EXOC3: variants seen among roughly 807,000 people sequenced by gnomAD.
EXOC3 encodes exocyst complex component 3, also known as SEC6-like 1.
A neutral mutation model predicts 73.7 loss-of-function variants in EXOC3; 21 were observed. That is an observed-to-expected ratio of 0.29 (90% CI 0.20 to 0.41). EXOC3 has a LOEUF of 0.41. EXOC3 is among the 10% of genes least tolerant of loss of function. The probability of loss-of-function intolerance (pLI) is 1.00; values close to 1 mark genes in which losing one functional copy is unlikely to be tolerated. For missense variants in EXOC3, 842 were observed against 985.1 expected, an observed-to-expected ratio of 0.85 and a Z score of 1.95; for synonymous variants, 410 against 389.1, an observed-to-expected ratio of 1.05 and a Z score of -0.63.
At chr5:459,601 A>G (rs1181029114) in intron 7 of EXOC3, 142 bp downstream of exon 7, 3 of 524,780 alleles carry the variant, frequency 5.7e-6, no homozygotes, top group South Asian at 2.7e-5. Context: ...GTGTTCTTCA[A>G]AAGCAAAGGG....
At chr5:465,385 G>A (rs1738113375) in intron 11 of EXOC3, 113 bp downstream of exon 11, 3 of 1,220,432 alleles carry the variant, frequency 2.5e-6, no homozygotes, top group South Asian at 2.7e-5. Flanking sequence ...TTTGTCAGGC[G>A]GGGGGAGCCT....
intron 9 of EXOC3, among the ~76,000 whole-genome samples, chr5:463,319 T>TA (rs1738042633): frequency 6.6e-6 from 1 of 152,210 alleles, no homozygotes; most frequent in Non-Finnish European, 1.5e-5. Context: ...CATTTGAAAT[T>TA]ATTTCAAAAT....
At chr5:461,431 G>A (rs914012920) in intron 7 of EXOC3, among the ~76,000 whole-genome samples, 4 of 152,142 alleles carry the variant, frequency 2.6e-5, no homozygotes, top group Non-Finnish European at 5.9e-5. Context: ...TGGCCAATGT[G>A]GTGAAACCCT....
intron 10 of EXOC3, 94 bp downstream of exon 10, chr5:464,506 AG>A: frequency 7.2e-7 from 1 of 1,380,232 alleles, no homozygotes; most frequent in Non-Finnish European, 1.0e-6. Flanking sequence ...TCCCTCCGTG[AG>A]TGAACGTTCA....
At chr5:457,297 C>T in intron 5 of EXOC3, 1 of 415,998 alleles carries the variant, frequency 2.4e-6, no homozygotes, top group Non-Finnish European at 4.5e-6. Flanking sequence ...TGTGTGGCAG[C>T]ACCTGCCAGG....
At chr5:449,249 C>A (rs1737588602) in intron 3 of EXOC3, among the ~76,000 whole-genome samples, 1 of 152,200 alleles carries the variant, frequency 6.6e-6, no homozygotes, top group South Asian at 2.1e-4. Context: ...TATAACTCAG[C>A]AATGCTGTGT....
At chr5:451,429 A>T (rs1737656578) in intron 3 of EXOC3, among the ~76,000 whole-genome samples, 1 of 152,188 alleles carries the variant, frequency 6.6e-6, no homozygotes, top group African/African-American at 2.4e-5. Context: ...ATTCATTTTT[A>T]AAAATTAGGT....
At position 456,968 on chromosome 5, in the gene EXOC3, GTC is replaced by G; in HGVS notation, c.1130_1131del (p.Ser377Ter). ...GGAGCCATTGCTTTCTCCACACGTG[GTC>G]TCTGAGCTGCTTGACACGTACATGT... ...TLEPLLSPHV[V>X]SELLDTYMST... is the part of the protein sequence containing the mutation. On this transcript the variant is annotated frameshift_variant, in exon 5 of 13. Coordinates refer to ENST00000512944, the MANE Select transcript of EXOC3 (RefSeq NM_007277.5). LOFTEE classifies it high-confidence loss of function. 6.2e-7 allele frequency: 1 copy of G among 1,614,032 alleles called. No individual in the cohort carries two copies. The highest frequency in any genetic ancestry group is 8.5e-7 in the Non-Finnish European group (1 of 1,179,878).
At chr5:462,092 G>T in intron 8 of EXOC3, 22 bp downstream of exon 8, 2 of 1,588,046 alleles carry the variant, frequency 1.3e-6, no homozygotes, top group Non-Finnish European at 1.7e-6. Flanking sequence ...CGGGCGCTGT[G>T]GCGGGGGAGC....
chr5:456,779 T>C, intron 4 of EXOC3, 110 bp from the exon 5 acceptor site: 1 of 826,464 alleles, frequency 1.2e-6, no homozygotes, highest in Non-Finnish European at 2.0e-6. Flanking sequence ...GACCAGGAAG[T>C]CTCCAGGGTG....
intron 3 of EXOC3, among the ~76,000 whole-genome samples, chr5:450,011 T>A (rs574608279): frequency 1.3e-5 from 2 of 152,344 alleles, no homozygotes; most frequent in Admixed American, 1.3e-4. Context: ...TTTGGAAGGC[T>A]GAGGCAGGCG....
At position 453,994 on chromosome 5, in the gene EXOC3, A is replaced by T. The variant is rs1411821882; in HGVS notation, c.989A>T (p.Asp330Val). The T allele has an allele frequency of 6.2e-7, 1 of 1,613,536 alleles. No individual in the cohort carries two copies. Among genetic ancestry groups the T allele is most frequent in the Admixed American group, 1.7e-5 (1 of 59,922 alleles). ...STRMQDLASE[D>V]LEANEIVSLL... ...CGGATGCAGGACCTCGCATCGGAAG[A>T]CCTGGAAGCCAATGAGATCGTGAGC... The change falls in exon 4 of 13, where the codon GAC becomes GTC. Residue 330 changes from aspartate to valine, a missense_variant. Asp to Val is a radical substitution (Grantham distance 152). Transcript: ENST00000512944.
chr5:448,848 A>G (rs983965206), intron 3 of EXOC3, among the ~76,000 whole-genome samples: 1 of 152,096 alleles, frequency 6.6e-6, no homozygotes, highest in African/African-American at 2.4e-5. Context: ...GTAGGGTCAC[A>G]TGTGTGGCTG....
At chr5:451,215 T>C (rs995357097) in intron 3 of EXOC3, among the ~76,000 whole-genome samples, 2 of 152,234 alleles carry the variant, frequency 1.3e-5, no homozygotes, top group Admixed American at 6.5e-5. Flanking sequence ...ATAGCTGTTT[T>C]CTTTGTGCCT....
chr5:462,324 C>A lies in EXOC3; in HGVS notation c.1653+17C>A. ...GACCTGGAGGTGGGCCTGGCTCTTT[C>A]CTCCTGCCGTTTTCTGGGCCGAAGC... On this transcript the variant is annotated intron_variant, in intron 9 of 12. Transcript: ENST00000512944. 1.2e-6 allele frequency: 2 copies of A among 1,613,686 alleles called. No individual in the cohort carries two copies. Among genetic ancestry groups the A allele is most frequent in the Non-Finnish European group, 1.7e-6 (2 of 1,179,748 alleles).
At chr5:465,996 G>A (rs1301295527) in intron 12 of EXOC3, 151 bp downstream of exon 12, 5 of 830,244 alleles carry the variant, frequency 6.0e-6, no homozygotes, top group African/African-American at 5.1e-5. Context: ...GGGCCCAGGC[G>A]CAGGGAGCAG....
intron 10 of EXOC3, chr5:464,804 A>G: frequency 2.1e-6 from 1 of 474,102 alleles, no homozygotes; most frequent in Non-Finnish European, 3.8e-6. Context: ...TCGTTATCAA[A>G]GGACAGCAGC....
At chr5:457,331 T>TG (rs11407642) in intron 5 of EXOC3, 173,311 of 329,458 alleles carry the variant, frequency 0.53, 48,053 homozygotes, top group African/African-American at 0.78. Context: ...GTCCCATGGT[T>TG]GGGGGGGTCC....
chr5:459,087 G>T (rs1210340748), intron 6 of EXOC3, among the ~76,000 whole-genome samples: 1 of 152,186 alleles, frequency 6.6e-6, no homozygotes, highest in Non-Finnish European at 1.5e-5. Flanking sequence ...CTCCAGTCAC[G>T]TAGTGTGAGG....
Sources: gnomAD v4.1 joint callset for allele counts (sites outside exome capture counted in the v4.1 genomes callset) on GRCh38, gnomAD v4.1.1 for gene constraint, MANE v1.5 for transcripts, NCBI Gene and HGNC (gene_info 2026-07-23, HGNC 2026-07-21) for gene names.